Variants in TASP1 observed in about 807,000 individuals in gnomAD.
TASP1 encodes taspase 1, also known as threonine aspartase 1.
A neutral mutation model predicts 56.6 loss-of-function variants in TASP1; 16 were observed. The observed-to-expected ratio is 0.28, with a 90% CI of 0.19 to 0.43. The LOEUF is 0.43. Among genes scored for constraint, TASP1 ranks in the 20% least tolerant of loss-of-function variants. TASP1 has a pLI of 1.00. For missense variants in TASP1, 393 were observed against 511.6 expected (o/e 0.77, Z 2.24); for synonymous variants, 179 against 184.2 (o/e 0.97, Z 0.23).
chr20:13,378,282 C>T, the TASP1 span, among the ~76,000 whole-genome samples: 1 of 152,080 alleles, frequency 6.6e-6, no homozygotes, highest in Non-Finnish European at 1.5e-5. Flanking sequence ...TGTCTTTGTT[C>T]TTATTGGTTT....
At chr20:13,269,770 T>G in the TASP1 span, among the ~76,000 whole-genome samples, 1 of 152,226 alleles carries the variant, frequency 6.6e-6, no homozygotes, top group South Asian at 2.1e-4. Context: ...GTCACCGTTC[T>G]TTGATCTGAT....
chr20:13,398,035 C>G (rs2041606557), intron 13 of TASP1, among the ~76,000 whole-genome samples: 1 of 152,040 alleles, frequency 6.6e-6, no homozygotes, highest in South Asian at 2.1e-4. Flanking sequence ...GGTAAGCTGC[C>G]AGATAACATG....
At chr20:13,470,712 G>A (rs1175632163) in intron 11 of TASP1, among the ~76,000 whole-genome samples, 1 of 152,154 alleles carries the variant, frequency 6.6e-6, no homozygotes, top group African/African-American at 2.4e-5. Flanking sequence ...CTATTGACAA[G>A]ATGATTTGGA....
the TASP1 span, among the ~76,000 whole-genome samples, chr20:13,355,783 G>T: frequency 6.6e-6 from 1 of 152,188 alleles, no homozygotes; most frequent in African/African-American, 2.4e-5. Flanking sequence ...GATGGTGGGG[G>T]AATGACAACT....
At chr20:13,135,771 C>T in the TASP1 span, among the ~76,000 whole-genome samples, 728 of 152,302 alleles carry the variant, frequency 4.8e-3, 9 homozygotes, top group Non-Finnish European at 3.9e-3. Flanking sequence ...ACTCCATTGA[C>T]GAGTTCATTT....
chr20:13,481,164 C>G (rs1463117647), intron 11 of TASP1, among the ~76,000 whole-genome samples: 1 of 152,086 alleles, frequency 6.6e-6, no homozygotes, highest in Non-Finnish European at 1.5e-5. Flanking sequence ...TAAGTGAGAA[C>G]ATGTGATATT....
chr20:13,447,548 T>C (rs1391825192), intron 11 of TASP1, among the ~76,000 whole-genome samples: 1 of 152,126 alleles, frequency 6.6e-6, no homozygotes, highest in Non-Finnish European at 1.5e-5. Flanking sequence ...TTTTATTGGC[T>C]GCTGCCATCT....
At chr20:13,106,245 G>A in the TASP1 span, among the ~76,000 whole-genome samples, 5 of 152,064 alleles carry the variant, frequency 3.3e-5, no homozygotes, top group African/African-American at 4.8e-5. Flanking sequence ...CTTTCTCCAG[G>A]AAAAGAACAT....
At chr20:13,493,136 T>G (rs1297277391) in intron 10 of TASP1, among the ~76,000 whole-genome samples, 2 of 151,812 alleles carry the variant, frequency 1.3e-5, no homozygotes, top group Non-Finnish European at 2.9e-5. Context: ...ATTAAAACCT[T>G]TTTGAAAAAA....
At chr20:13,217,589 T>C in the TASP1 span, among the ~76,000 whole-genome samples, 2 of 152,178 alleles carry the variant, frequency 1.3e-5, no homozygotes, top group East Asian at 1.9e-4. Flanking sequence ...AAAATCTACG[T>C]GAGAATAGTA....
the TASP1 span, among the ~76,000 whole-genome samples, chr20:13,297,831 T>A: frequency 1.3e-5 from 2 of 152,202 alleles, no homozygotes; most frequent in African/African-American, 4.8e-5. Context: ...ACAACCCTTC[T>A]GGGGGTAGAT....
chr20:13,356,110 G>A, the TASP1 span, among the ~76,000 whole-genome samples: 1 of 152,128 alleles, frequency 6.6e-6, no homozygotes. Flanking sequence ...GTCTAGTAAA[G>A]CACTCTTAAC....
intron 10 of TASP1, among the ~76,000 whole-genome samples, chr20:13,486,516 AAAAG>A (rs919891093): frequency 2.0e-5 from 3 of 152,206 alleles, no homozygotes; most frequent in African/African-American, 4.8e-5. Context: ...GAAAATTGAT[AAAAG>A]AAAACAAGCA....
At chr20:13,219,059 A>G in the TASP1 span, among the ~76,000 whole-genome samples, 2 of 152,194 alleles carry the variant, frequency 1.3e-5, no homozygotes, top group African/African-American at 4.8e-5. Flanking sequence ...CCTTGGGTCC[A>G]AAACTGTTAC....
At chr20:13,201,915 G>A in the TASP1 span, among the ~76,000 whole-genome samples, 28 of 151,878 alleles carry the variant, frequency 1.8e-4, no homozygotes, top group Admixed American at 3.9e-4. Flanking sequence ...CACCATGCCC[G>A]GCTAATTTTT....
the TASP1 span, among the ~76,000 whole-genome samples, chr20:13,345,094 C>T: frequency 6.6e-6 from 1 of 152,058 alleles, no homozygotes. Context: ...CTGATTCTGC[C>T]TCTTAAAACT....
At chr20:13,269,934 A>AGGATGGAAGGATGGATGGATGGAT in the TASP1 span, among the ~76,000 whole-genome samples, 3 of 149,910 alleles carry the variant, frequency 2.0e-5, no homozygotes, top group Non-Finnish European at 3.0e-5. Flanking sequence ...TGTGGGTGGA[A>AGGATGGAAGGATGGATGGATGGAT]GGATGGATGG....
At chr20:13,371,330 A>G in the TASP1 span, among the ~76,000 whole-genome samples, 1 of 152,080 alleles carries the variant, frequency 6.6e-6, no homozygotes, top group African/African-American at 2.4e-5. Context: ...CTTTCACCGC[A>G]TCCCCTAAGT....
intron 8 of TASP1, among the ~76,000 whole-genome samples, chr20:13,541,872 T>C (rs1213401771): frequency 2.0e-5 from 3 of 151,874 alleles, no homozygotes; most frequent in Admixed American, 2.0e-4. Context: ...AGTGAAACCC[T>C]GTCTCTACTA....
Sources: allele counts gnomAD v4.1 joint callset (sites outside exome capture counted in the v4.1 genomes callset), GRCh38; gene constraint gnomAD v4.1.1; transcripts MANE v1.5; gene names NCBI Gene and HGNC (gene_info 2026-07-23, HGNC 2026-07-21).